The following UPRT variants were observed in gnomAD, a reference collection of about 807,000 sequenced individuals.
UPRT encodes the protein uracil phosphoribosyltransferase homolog, also known as RP11-311P8.3.
UPRT carries 5 observed loss-of-function variants against 22.6 expected under a neutral mutation model. That is an observed-to-expected ratio of 0.22 (90% CI 0.12 to 0.47). The LOEUF (loss-of-function observed/expected upper bound fraction) is 0.47. Ranked by LOEUF, UPRT falls within the 20% of genes least tolerant of loss-of-function variation. The pLI, the probability that UPRT is intolerant of heterozygous loss-of-function variation, is 0.99. For missense variants in UPRT, 181 were observed against 239.9 expected, an observed-to-expected ratio of 0.75 and a Z score of 1.62; for synonymous variants, 77 against 87.7, an observed-to-expected ratio of 0.88 and a Z score of 0.68.
At chrX:75,238,562 T>C (rs1210527154) in intron 4 of UPRT, among the ~76,000 whole-genome samples, 1 of 111,549 alleles carries the variant, frequency 9.0e-6, no homozygotes, top group African/African-American at 3.3e-5. Context: ...ACTAGACAGG[T>C]CATCAAGACA....
chrX:75,198,820 A>AT, intron 4 of UPRT, among the ~76,000 whole-genome samples: 1 of 111,366 alleles, frequency 9.0e-6, no homozygotes, highest in East Asian at 2.8e-4. Flanking sequence ...CCCCAACCCC[A>AT]TCCCCCAGCA....
chrX:75,261,040 G>C (rs2082566050), intron 4 of UPRT, among the ~76,000 whole-genome samples: 1 of 111,921 alleles, frequency 8.9e-6, no homozygotes, highest in African/African-American at 3.2e-5. Context: ...AAATAAAGAT[G>C]TTCTTTGAAA....
chrX:75,214,188 C>T (rs1013784979), intron 4 of UPRT, among the ~76,000 whole-genome samples: 2 of 112,256 alleles, frequency 1.8e-5, no homozygotes, highest in Non-Finnish European at 3.8e-5. Context: ...GCTGGAAAAT[C>T]CCAAAATACT....
chrX:75,274,674 A>G, intron 1 of UPRT, 34 bp downstream of exon 1: 1 of 1,149,844 alleles, frequency 8.7e-7, no homozygotes, highest in Non-Finnish European at 1.2e-6. Context: ...AGGGAAGTGG[A>G]GGGTCTTGCA....
In UPRT at chrX:75,279,874, C is replaced by T. The variant is rs1247897717; in HGVS notation, c.386+5234C>T. Among the ~76,000 whole-genome samples the T allele has an allele frequency of 2.7e-5, 3 of 111,145 alleles. No homozygotes were observed. The East Asian group carries it at 8.4e-4, about 31-fold the overall frequency. ...TTGCATCCTCATAGCTTAGCTGCCACATACTAGTGAGAACATATGATGTTT... is the reference window on the plus strand; with the variant it reads ...TTGCATCCTCATAGCTTAGCTGCCATATACTAGTGAGAACATATGATGTTT... On this transcript the variant is annotated intron_variant, in intron 1 of 6. Coordinates refer to ENST00000373383, the MANE Select transcript of UPRT (RefSeq NM_145052.4).
chrX:75,285,713 T>C (rs2082676872), intron 1 of UPRT, among the ~76,000 whole-genome samples: 1 of 111,185 alleles, frequency 9.0e-6, no homozygotes, highest in Admixed American at 9.5e-5. Context: ...TCTGTCCTAT[T>C]TTGAATGTTC....
chrX:75,187,028 G>A (rs1234565815), intron 4 of UPRT, among the ~76,000 whole-genome samples: 3 of 111,157 alleles, frequency 2.7e-5, no homozygotes, highest in African/African-American at 6.6e-5. Flanking sequence ...TTACATTTAA[G>A]GTTAATATTG....
At chrX:75,232,617 G>C (rs1268875099) in intron 4 of UPRT, among the ~76,000 whole-genome samples, 1 of 112,250 alleles carries the variant, frequency 8.9e-6, no homozygotes, top group Non-Finnish European at 1.9e-5. Context: ...TCCTCAAGTG[G>C]GTCCCTGACC....
At chrX:75,253,750 A>T (rs904303856) in intron 4 of UPRT, among the ~76,000 whole-genome samples, 6 of 112,050 alleles carry the variant, frequency 5.4e-5, no homozygotes, top group African/African-American at 1.9e-4. Flanking sequence ...TTGAGTGCCA[A>T]AAGTGTGAAA....
At chrX:75,252,946 A>T (rs185477124) in intron 4 of UPRT, among the ~76,000 whole-genome samples, 2 of 111,825 alleles carry the variant, frequency 1.8e-5, no homozygotes, top group Non-Finnish European at 3.8e-5. Context: ...ACAAGGACAA[A>T]AAACGAAACA....
intron 4 of UPRT, among the ~76,000 whole-genome samples, chrX:75,221,021 T>G (rs1191742118): frequency 8.9e-6 from 1 of 111,924 alleles, no homozygotes; most frequent in African/African-American, 3.2e-5. Context: ...ATGAAATGCC[T>G]CAGTTTTCAT....
intron 4 of UPRT, among the ~76,000 whole-genome samples, chrX:75,191,440 A>T (rs1342279045): frequency 9.1e-6 from 1 of 110,259 alleles, no homozygotes; most frequent in African/African-American, 3.3e-5. Flanking sequence ...CCACTTGAGG[A>T]GGCAGTCTGT....
intron 4 of UPRT, among the ~76,000 whole-genome samples, chrX:75,264,237 G>C (rs1391761732): frequency 9.0e-6 from 1 of 111,616 alleles, no homozygotes; most frequent in Non-Finnish European, 1.9e-5. Flanking sequence ...TGTCTATTAG[G>C]TCCACTTGGT....
intron 4 of UPRT, among the ~76,000 whole-genome samples, chrX:75,209,362 C>T (rs761568675): frequency 5.4e-5 from 6 of 110,556 alleles, no homozygotes; most frequent in Admixed American, 2.9e-4. Flanking sequence ...GTCCGACTTC[C>T]GGTGTTGTTT....
At chrX:75,158,133 A>C (rs1001353073) in intron 1 of UPRT, among the ~76,000 whole-genome samples, 10 of 112,255 alleles carry the variant, frequency 8.9e-5, no homozygotes, top group African/African-American at 3.2e-4. Flanking sequence ...TTACTCTATG[A>C]TGAGCTAAAG....
intron 4 of UPRT, among the ~76,000 whole-genome samples, chrX:75,260,279 T>C (rs1368891712): frequency 8.9e-6 from 1 of 112,454 alleles, no homozygotes. Flanking sequence ...GTAAATGGGC[T>C]AAATGCTCCA....
At chrX:75,234,896 C>T (rs1323637288) in intron 4 of UPRT, among the ~76,000 whole-genome samples, 2 of 111,369 alleles carry the variant, frequency 1.8e-5, no homozygotes, top group Non-Finnish European at 3.8e-5. Flanking sequence ...CAAGAGCAAA[C>T]ACATTCAAAA....
At chrX:75,233,814 C>A (rs1169987071) in intron 4 of UPRT, among the ~76,000 whole-genome samples, 2 of 110,989 alleles carry the variant, frequency 1.8e-5, no homozygotes, top group African/African-American at 6.6e-5. Flanking sequence ...ACAACCAATA[C>A]CAGCTGCTGC....
At chrX:75,235,158 A>T (rs898436505) in intron 4 of UPRT, among the ~76,000 whole-genome samples, 1 of 110,825 alleles carries the variant, frequency 9.0e-6, no homozygotes, top group Non-Finnish European at 1.9e-5. Context: ...CTATAAACAC[A>T]TCTATGCAAA....
Sources: gnomAD v4.1 joint callset for allele counts (sites outside exome capture counted in the v4.1 genomes callset) on GRCh38, gnomAD v4.1.1 for gene constraint, MANE v1.5 for transcripts, NCBI Gene and HGNC (gene_info 2026-07-23, HGNC 2026-07-21) for gene names.